Variants in WDR27 observed in about 807,000 individuals in gnomAD.
The protein encoded by WDR27 is WD repeat-containing protein 27.
A neutral mutation model predicts 114.4 loss-of-function variants in WDR27; 100 were observed. The ratio of observed to expected loss-of-function variants is 0.87; its 90% CI spans 0.74 to 1.03. The LOEUF (loss-of-function observed/expected upper bound fraction) is 1.03. Among genes scored for constraint, WDR27 ranks in the 50% least tolerant of loss-of-function variants. The pLI is 0.00. For missense variants in WDR27, 1,129 were observed against 1,092.9 expected (o/e 1.03, Z -0.47); for synonymous variants, 449 against 423.1 (o/e 1.06, Z -0.75).
rs79701714 is a variant in WDR27, at chr6:169,687,819, T to C, written c.189+998A>G. On this transcript the variant is annotated intron_variant, in intron 2 of 25. Coordinates refer to ENST00000448612, the MANE Select transcript of WDR27 (RefSeq NM_182552.5). Reference sequence around the variant, plus strand: ...CAGTTTTCATATCCTGAAAATTCTATAGTTTTGACCCACATTGCGTTGAAA... The same window carrying C: ...CAGTTTTCATATCCTGAAAATTCTACAGTTTTGACCCACATTGCGTTGAAA... Among the ~76,000 whole-genome samples the C allele has an allele frequency of 2.3e-3, 350 of 152,316 alleles. 2 individuals carry two copies. Among genetic ancestry groups the C allele is most frequent in the African/African-American group, 7.9e-3 (327 of 41,556 alleles).
chr6:169,545,933 GA>G (rs747637462), intron 25 of WDR27, among the ~76,000 whole-genome samples: 4 of 151,138 alleles, frequency 2.6e-5, no homozygotes, highest in African/African-American at 4.9e-5. Context: ...AAAAAGAGAA[GA>G]AAAAAAGAAA....
chr6:169,463,656 C>T (rs1583578400), intron 25 of WDR27, among the ~76,000 whole-genome samples: 1 of 152,130 alleles, frequency 6.6e-6, no homozygotes, highest in African/African-American at 2.4e-5. Flanking sequence ...ATTCCACTCA[C>T]AAAAAGCCTG....
chr6:169,652,008 G>T lies in WDR27; in HGVS notation c.1403C>A (p.Ala468Asp). The T allele has an allele frequency of 1.2e-6, 2 of 1,613,304 alleles. No individual in the cohort carries two copies. The highest frequency in any genetic ancestry group is 1.7e-6 in the Non-Finnish European group (2 of 1,179,718). ...TTGGTCCTTCATGACGTTCCGTGCA[G>T]CTGTGGAAAGGCAATTTTAAAGAAG... is the stretch of plus-strand genomic sequence containing the variant. ...STKAASEQRRAARNVMKDQRL... is the reference protein window; with the variant it reads ...STKAASEQRRDARNVMKDQRL... Residue 468 changes from alanine to aspartate, a missense_variant and splice_region_variant, in exon 14 of 26, where the codon GCT becomes GAT. Transcript: ENST00000448612.
chr6:169,587,826 C>T (rs1381890261), intron 23 of WDR27, among the ~76,000 whole-genome samples: 1 of 152,242 alleles, frequency 6.6e-6, no homozygotes, highest in Non-Finnish European at 1.5e-5. Flanking sequence ...GCCATGTCTC[C>T]ATGAGTTTCC....
chr6:169,698,762 G>A (rs768696442), intron 1 of WDR27, among the ~76,000 whole-genome samples: 13 of 152,334 alleles, frequency 8.5e-5, no homozygotes, highest in Admixed American at 1.3e-4. Flanking sequence ...TGCTGGAGGC[G>A]GAGGGCTCCA....
chr6:169,457,650 A>G lies in WDR27; in HGVS notation c.2646-16T>C. 4.5e-6 allele frequency: 7 copies of G among 1,547,882 alleles called. No individual in the cohort carries two copies. The highest frequency in any genetic ancestry group is 6.1e-6 in the Non-Finnish European group (7 of 1,144,100). ...CTGTGGCAAGCTGTAATTGAAAATA[A>G]AATACCATGTAATTCCAATCGCCTT... On this transcript the variant is annotated splice_polypyrimidine_tract_variant and intron_variant, in intron 25 of 25. Coordinates refer to ENST00000448612, the MANE Select transcript of WDR27 (RefSeq NM_182552.5).
intron 25 of WDR27, among the ~76,000 whole-genome samples, chr6:169,567,952 C>T (rs1035439174): frequency 6.6e-6 from 1 of 152,136 alleles, no homozygotes; most frequent in African/African-American, 2.4e-5. Context: ...GAGGAAGGGC[C>T]GCCAGCTCCA....
intron 25 of WDR27, among the ~76,000 whole-genome samples, chr6:169,476,610 T>C (rs1075841): frequency 0.012 from 1,779 of 152,318 alleles, 39 homozygotes; most frequent in African/African-American, 0.041. Context: ...CCCCATGACC[T>C]GGTGTTGGGT....
chr6:169,633,141 C>G (rs925399781), intron 20 of WDR27, 73 bp from the exon 21 acceptor site: 334 of 1,413,438 alleles, frequency 2.4e-4, no homozygotes, highest in Admixed American at 7.2e-4. Flanking sequence ...CTCTCTTTTA[C>G]TAATAAAAAC....
chr6:169,521,362 A>T (rs1329822725), intron 25 of WDR27, among the ~76,000 whole-genome samples: 1 of 152,170 alleles, frequency 6.6e-6, no homozygotes. Flanking sequence ...ATAATTCACC[A>T]CCAGGAGACC....
chr6:169,459,987 A>G (rs1784727334), intron 25 of WDR27, among the ~76,000 whole-genome samples: 1 of 152,134 alleles, frequency 6.6e-6, no homozygotes, highest in Admixed American at 6.5e-5. Context: ...AAATAAAAGG[A>G]CCCTAGACAG....
chr6:169,488,675 A>C (rs1789278796), intron 25 of WDR27, among the ~76,000 whole-genome samples: 1 of 152,190 alleles, frequency 6.6e-6, no homozygotes, highest in Admixed American at 6.5e-5. Context: ...CCTTTTCCTA[A>C]CTTTGTGAAA....
intron 14 of WDR27, 82 bp downstream of exon 14, chr6:169,651,848 T>C: frequency 1.6e-6 from 2 of 1,240,714 alleles, no homozygotes; most frequent in Non-Finnish European, 2.3e-6. Flanking sequence ...CTCGGGGATG[T>C]ATGTGTGTCC....
chr6:169,451,268 C>T, the WDR27 span, among the ~76,000 whole-genome samples: 14 of 152,208 alleles, frequency 9.2e-5, no homozygotes, highest in African/African-American at 3.4e-4. Context: ...TATCTACCTA[C>T]AACCTGGAAG....
intron 25 of WDR27, among the ~76,000 whole-genome samples, chr6:169,460,773 C>T (rs1784812009): frequency 6.6e-6 from 1 of 152,100 alleles, no homozygotes; most frequent in South Asian, 2.1e-4. Context: ...CCCTGTAAAG[C>T]CTGCATATAC....
chr6:169,473,477 C>A (rs1449814404), intron 25 of WDR27, among the ~76,000 whole-genome samples: 1 of 152,048 alleles, frequency 6.6e-6, no homozygotes, highest in Non-Finnish European at 1.5e-5. Context: ...GGCAAGGTGA[C>A]AAAGTACAAC....
chr6:169,441,280 G>T, the WDR27 span, among the ~76,000 whole-genome samples: 2 of 152,086 alleles, frequency 1.3e-5, no homozygotes, highest in Non-Finnish European at 2.9e-5. Flanking sequence ...CACCAAGACA[G>T]GTCCACTAAG....
chr6:169,499,853 A>G (rs1477735556), intron 25 of WDR27, among the ~76,000 whole-genome samples: 2 of 152,218 alleles, frequency 1.3e-5, no homozygotes, highest in Non-Finnish European at 2.9e-5. Context: ...GGAGCAGCCC[A>G]CTGACCATGG....
chr6:169,475,785 C>G (rs1375090829), intron 25 of WDR27, among the ~76,000 whole-genome samples: 1 of 152,086 alleles, frequency 6.6e-6, no homozygotes, highest in African/African-American at 2.4e-5. Context: ...GTTCTTGAGC[C>G]ACTGCTCCAT....
Sources: allele counts gnomAD v4.1 joint callset (sites outside exome capture counted in the v4.1 genomes callset), GRCh38; gene constraint gnomAD v4.1.1; transcripts MANE v1.5; gene names NCBI Gene and HGNC (gene_info 2026-07-23, HGNC 2026-07-21).